SAMD5: variants seen among roughly 807,000 people sequenced by gnomAD.
SAMD5 encodes sterile alpha motif domain containing 5.
SAMD5 carries 13 observed loss-of-function variants against 11.3 expected under a neutral mutation model. The observed-to-expected ratio is 1.15, with a 90% confidence interval of 0.75 to 1.83. The LOEUF is 1.83. Ranked by LOEUF, SAMD5 falls within the 40% of genes most tolerant of loss-of-function variation. SAMD5 has a pLI of 0.00. For synonymous variants in SAMD5, 129 were observed against 111.3 expected, an observed-to-expected ratio of 1.16 and a Z score of -1.00; for missense variants, 255 against 239.1, an observed-to-expected ratio of 1.07 and a Z score of -0.44.
chr6:147,687,195 T>G (rs990771718), intron 1 of SAMD5, among the ~76,000 whole-genome samples: 1 of 151,826 alleles, frequency 6.6e-6, no homozygotes, highest in Non-Finnish European at 1.5e-5. Flanking sequence ...TTTAGATATA[T>G]TCTCATATTT....
In SAMD5 at chr6:147,537,039, A is replaced by C. The variant is rs73787088; in HGVS notation, c.460-27355A>C. ...AACATTTTAGAGCAGCCACAGTTAA[A>C]GTCACAATTGATGAGGAAATTTACC... On this transcript the variant is annotated intron_variant, in intron 1 of 1. Transcript: ENST00000367474. 9.3e-3 allele frequency among the ~76,000 whole-genome samples: 1,419 copies of C among 152,242 alleles called. 21 individuals are homozygous for C. Among genetic ancestry groups the C allele is most frequent in the African/African-American group, 0.032 (1,340 of 41,542 alleles).
downstream of SAMD5, among the ~76,000 whole-genome samples, chr6:147,737,784 A>G (rs928693492): frequency 6.7e-6 from 1 of 148,924 alleles, no homozygotes. Flanking sequence ...TATATATTAC[A>G]TACACATGCA....
chr6:147,632,555 G>C (rs531378490), intron 1 of SAMD5, among the ~76,000 whole-genome samples: 92 of 152,270 alleles, frequency 6.0e-4, no homozygotes, highest in African/African-American at 2.0e-3. Context: ...GCCTCTAAAA[G>C]TATTAAGGCA....
intron 1 of SAMD5, among the ~76,000 whole-genome samples, chr6:147,515,172 C>A (rs1317425784): frequency 4.3e-5 from 6 of 138,410 alleles, no homozygotes; most frequent in African/African-American, 1.4e-4. Context: ...CTATATCCTT[C>A]CAGGTTTTTT....
At chr6:147,684,172 T>C (rs1790976976) in intron 1 of SAMD5, among the ~76,000 whole-genome samples, 1 of 152,142 alleles carries the variant, frequency 6.6e-6, no homozygotes, top group Non-Finnish European at 1.5e-5. Context: ...CTTCCTATGA[T>C]TGAGCTTTAT....
At chr6:147,814,288 T>A in the SAMD5 span, among the ~76,000 whole-genome samples, 1 of 152,170 alleles carries the variant, frequency 6.6e-6, no homozygotes, top group Admixed American at 6.5e-5. Context: ...ACATAAATAT[T>A]TACATATATA....
downstream of SAMD5, among the ~76,000 whole-genome samples, chr6:147,571,444 T>C (rs2128445361): frequency 6.6e-6 from 1 of 152,230 alleles, no homozygotes; most frequent in East Asian, 1.9e-4. Context: ...AAGAGGAATC[T>C]TGAATAATTT....
At chr6:147,587,562 C>T (rs1385383552) in intron 1 of SAMD5, among the ~76,000 whole-genome samples, 4 of 152,038 alleles carry the variant, frequency 2.6e-5, no homozygotes, top group African/African-American at 9.7e-5. Flanking sequence ...TGATGCTGTT[C>T]TAGAAAAATA....
chr6:147,767,717 C>A, the SAMD5 span, among the ~76,000 whole-genome samples: 1 of 152,282 alleles, frequency 6.6e-6, no homozygotes, highest in Non-Finnish European at 1.5e-5. Flanking sequence ...TCACCTTGAT[C>A]TTGGACAGTG....
chr6:147,588,627 G>T (rs1789409656), intron 1 of SAMD5, among the ~76,000 whole-genome samples: 1 of 151,812 alleles, frequency 6.6e-6, no homozygotes, highest in South Asian at 2.1e-4. Context: ...CGCCCAGCCT[G>T]TCCAGTTTCA....
intron 1 of SAMD5, among the ~76,000 whole-genome samples, chr6:147,726,051 TGA>T (rs1791622406): frequency 6.6e-6 from 1 of 152,124 alleles, no homozygotes; most frequent in African/African-American, 2.4e-5. Flanking sequence ...TCTTTTCCTC[TGA>T]ATATTAGTAT....
At chr6:147,891,195 A>T in the SAMD5 span, among the ~76,000 whole-genome samples, 1 of 152,200 alleles carries the variant, frequency 6.6e-6, no homozygotes, top group East Asian at 1.9e-4. Flanking sequence ...GGAGGAAGGG[A>T]AAAGGGGAGC....
the SAMD5 span, among the ~76,000 whole-genome samples, chr6:147,890,418 G>T: frequency 1.1e-4 from 17 of 151,274 alleles, no homozygotes; most frequent in African/African-American, 3.6e-4. Context: ...GAGTGCAGTG[G>T]CATGATCTCG....
At chr6:147,589,934 A>G (rs1267540823) in intron 1 of SAMD5, among the ~76,000 whole-genome samples, 2 of 152,170 alleles carry the variant, frequency 1.3e-5, no homozygotes, top group Non-Finnish European at 1.5e-5. Flanking sequence ...GATATTCTAA[A>G]TATGTGCATA....
chr6:147,909,614 T>TTCTCTCTCTCTCTCTCTCTCTCTCTC, the SAMD5 span, among the ~76,000 whole-genome samples: 2 of 77,300 alleles, frequency 2.6e-5, no homozygotes, highest in African/African-American at 1.6e-4. Context: ...CTTTCTTTCT[T>TTCTCTCTCTCTCTCTCTCTCTCTCTC]TCTTTCTTTC....
chr6:147,685,841 GAC>G (rs752258286), intron 1 of SAMD5, among the ~76,000 whole-genome samples: 1 of 152,144 alleles, frequency 6.6e-6, no homozygotes, highest in African/African-American at 2.4e-5. Flanking sequence ...CTAAATAAAA[GAC>G]ACACAGTGAC....
rs115843372 is a variant in SAMD5, at chr6:147,567,814, G to A, written c.*3358G>A. On this transcript the variant is annotated 3_prime_UTR_variant, in exon 2 of 2. Coordinates refer to ENST00000367474, the MANE Select transcript of SAMD5 (RefSeq NM_001030060.3). ...CTCAGGAAGGATAAAAAAGGCTACA[G>A]TACCTGCTCATAGGAGTTCAGTAAA... The A allele has an allele frequency of 6.5e-4, 643 of 985,278 alleles. 1 individual carries two copies. The African/African-American group carries it at 0.011, about 16-fold the overall frequency. 61.0% of individuals were successfully genotyped at this position (985,278 alleles called of 1,614,324 possible).
chr6:147,775,782 C>T, the SAMD5 span, among the ~76,000 whole-genome samples: 1 of 152,098 alleles, frequency 6.6e-6, no homozygotes, highest in African/African-American at 2.4e-5. Flanking sequence ...TCTCTGGAGC[C>T]AGACTGAATG....
chr6:147,550,396 C>T (rs1788751485), intron 1 of SAMD5, among the ~76,000 whole-genome samples: 1 of 152,134 alleles, frequency 6.6e-6, no homozygotes, highest in African/African-American at 2.4e-5. Context: ...AGCAATCCTG[C>T]TACTGGATAT....
Sources: allele counts gnomAD v4.1 joint callset (sites outside exome capture counted in the v4.1 genomes callset), GRCh38; gene constraint gnomAD v4.1.1; transcripts MANE v1.5; gene names NCBI Gene and HGNC (gene_info 2026-07-23, HGNC 2026-07-21).